Variants in PRKCE observed in about 807,000 individuals in gnomAD.
The protein encoded by PRKCE is protein kinase C epsilon.
A neutral mutation model predicts 85.4 loss-of-function variants in PRKCE; 16 were observed. The ratio of observed to expected loss-of-function variants is 0.19; its 90% confidence interval spans 0.13 to 0.28. The LOEUF is 0.28. Ranked by LOEUF, PRKCE falls within the 10% of genes least tolerant of loss-of-function variation. The pLI is 1.00. For synonymous variants in PRKCE, 388 were observed against 371.5 expected (o/e 1.04, Z -0.51); for missense variants, 573 against 975.2 (o/e 0.59, Z 5.49).
In PRKCE at chr2:46,108,075, G is replaced by A. The variant is rs1671901546; in HGVS notation, c.1592+21713G>A. On this transcript the variant is annotated intron_variant, in intron 11 of 14. Coordinates refer to ENST00000306156, the MANE Select transcript of PRKCE (RefSeq NM_005400.3). ...CCCAAGTAGCTGGGGCTACATGTGT[G>A]TGCCATTGCGCCTGGCTAATTTTTT... Among the ~76,000 whole-genome samples, 3 of 152,172 alleles carry A rather than the reference G, an allele frequency of 2.0e-5. No individual in the cohort carries two copies. The South Asian group carries it at 6.2e-4, about 31-fold the overall frequency.
At chr2:45,783,123 A>C (rs1046052529) in intron 1 of PRKCE, among the ~76,000 whole-genome samples, 1 of 152,204 alleles carries the variant, frequency 6.6e-6, no homozygotes, top group African/African-American at 2.4e-5. Context: ...GGTGCTTGGC[A>C]GACTGGGTCC....
intron 11 of PRKCE, among the ~76,000 whole-genome samples, chr2:46,097,990 C>G (rs1670870205): frequency 6.6e-6 from 1 of 152,180 alleles, no homozygotes; most frequent in Admixed American, 6.5e-5. Flanking sequence ...TGCTGACCAG[C>G]TTAGAAGTAG....
intron 1 of PRKCE, among the ~76,000 whole-genome samples, chr2:45,706,692 GC>G (rs1189602520): frequency 2.0e-5 from 3 of 152,122 alleles, no homozygotes; most frequent in Non-Finnish European, 4.4e-5. Context: ...TGATAGTTTG[GC>G]CCCCCACAAT....
intron 2 of PRKCE, among the ~76,000 whole-genome samples, chr2:45,886,145 CT>C (rs1214509108): frequency 6.6e-6 from 1 of 152,222 alleles, no homozygotes; most frequent in African/African-American, 2.4e-5. Context: ...TCTGGGCTTG[CT>C]TCACATGCTG....
At chr2:45,912,684 C>G (rs1342690526) in intron 2 of PRKCE, among the ~76,000 whole-genome samples, 1 of 152,102 alleles carries the variant, frequency 6.6e-6, no homozygotes, top group East Asian at 1.9e-4. Context: ...AGAAGCGCAT[C>G]TCACCGAAAA....
rs539992798 is a variant in PRKCE at position 46,185,719 on chromosome 2, T to A, written c.*838T>A. 1 of 152,344 alleles carries A rather than the reference T, an allele frequency of 6.6e-6. No individual in the cohort carries two copies. Among genetic ancestry groups the A allele is most frequent in the East Asian group, 1.9e-4 (1 of 5,188 alleles). The allele number at this position is 152,344 out of a possible 1,614,324, so 9.4% of individuals were successfully genotyped here. ...ATGCTGTCAATGCCCGAGTGACACA[T>A]GAGAGCTGTATGAATTGAGAGAAAA... On this transcript the variant is annotated 3_prime_UTR_variant, in exon 15 of 15. Transcript: ENST00000306156. This position sits in a 1 kb window ranked among gnomAD's most constrained non-coding sequence, Gnocchi z 4.7.
intron 1 of PRKCE, among the ~76,000 whole-genome samples, chr2:45,700,173 C>CCTGCG (rs1558570495): frequency 6.8e-6 from 1 of 147,910 alleles, no homozygotes; most frequent in Non-Finnish European, 1.5e-5. Context: ...GAGGCCCTGC[C>CCTGCG]GGGAGCCAGG....
At chr2:46,143,557 A>C (rs754129405) in intron 11 of PRKCE, among the ~76,000 whole-genome samples, 2 of 152,142 alleles carry the variant, frequency 1.3e-5, no homozygotes, top group Non-Finnish European at 2.9e-5. Context: ...TCACCAGATA[A>C]GGTCACAGAC....
At position 46,139,970 on chromosome 2, in the gene PRKCE, C is replaced by A. The variant is rs1675352083; in HGVS notation, c.1593-5123C>A. On this transcript the variant is annotated intron_variant, in intron 11 of 14. Transcript: ENST00000306156. The surrounding 1 kb of genome is among the most constrained non-coding windows in gnomAD (Gnocchi z 5.2). Reference sequence around the variant, plus strand: ...AAAGTGAGAATAGATATTGGGACAACCAGAAATCTGCCATAAAATGTCATA... The same window carrying A: ...AAAGTGAGAATAGATATTGGGACAAACAGAAATCTGCCATAAAATGTCATA... Among the ~76,000 whole-genome samples the A allele has an allele frequency of 6.6e-6, 1 of 151,962 alleles. No homozygotes were observed. The highest frequency in any genetic ancestry group is 1.5e-5 in the Non-Finnish European group (1 of 67,994).
chr2:45,797,940 G>T (rs761990053), intron 1 of PRKCE, among the ~76,000 whole-genome samples: 1 of 152,196 alleles, frequency 6.6e-6, no homozygotes, highest in African/African-American at 2.4e-5. Context: ...CAAAACAGGC[G>T]CTGGGCTTAC....
intron 1 of PRKCE, among the ~76,000 whole-genome samples, chr2:45,762,511 C>T (rs1684588893): frequency 6.6e-6 from 1 of 152,152 alleles, no homozygotes; most frequent in Non-Finnish European, 1.5e-5. Context: ...TCTTTTTCAT[C>T]CTTTGAAGCT....
At chr2:46,054,550 C>G (rs111537599) in intron 10 of PRKCE, among the ~76,000 whole-genome samples, 22 of 152,300 alleles carry the variant, frequency 1.4e-4, no homozygotes, top group African/African-American at 5.3e-4. Context: ...CTTAGGACAA[C>G]TCATGTCCAA....
chr2:45,669,963 A>G (rs961070705), intron 1 of PRKCE, among the ~76,000 whole-genome samples: 1 of 152,214 alleles, frequency 6.6e-6, no homozygotes, highest in African/African-American at 2.4e-5. Flanking sequence ...GTGAGCTGAG[A>G]TTGCACCACT....
chr2:45,853,877 C>T (rs1432361572), intron 2 of PRKCE, among the ~76,000 whole-genome samples: 3 of 152,144 alleles, frequency 2.0e-5, no homozygotes, highest in Non-Finnish European at 4.4e-5. Context: ...CCCGCATGCA[C>T]ACCAAGTCCT....
intron 11 of PRKCE, among the ~76,000 whole-genome samples, chr2:46,101,859 C>CAA (rs56811595): frequency 4.4e-5 from 5 of 114,076 alleles, no homozygotes; most frequent in Non-Finnish European, 5.3e-5. Flanking sequence ...AACTGGCTTT[C>CAA]AAAAAAAAAA....
In PRKCE at chr2:45,921,702, G is replaced by A. The variant is rs1698262239; in HGVS notation, c.413-54727G>A. ...TTCTGATCTACCATGAGTTTTCCAT[G>A]TGCCATTATACAACAAAGGCAAGGG... On this transcript the variant is annotated intron_variant, in intron 2 of 14. Coordinates refer to ENST00000306156, the MANE Select transcript of PRKCE (RefSeq NM_005400.3). Among the ~76,000 whole-genome samples, 4 of 152,130 alleles carry A rather than the reference G, an allele frequency of 2.6e-5. No individual in the cohort carries two copies. In the South Asian group the frequency reaches 8.3e-4, roughly 32 times the overall value.
At chr2:45,937,388 C>A (rs1016726638) in intron 2 of PRKCE, among the ~76,000 whole-genome samples, 9 of 152,116 alleles carry the variant, frequency 5.9e-5, no homozygotes, top group African/African-American at 2.2e-4. Context: ...CCTGGTAGGC[C>A]CCACATTTTT....
chr2:45,931,905 C>T (rs1699075200), intron 2 of PRKCE, among the ~76,000 whole-genome samples: 1 of 152,138 alleles, frequency 6.6e-6, no homozygotes, highest in South Asian at 2.1e-4. Flanking sequence ...CAGGGTCTTA[C>T]CATGAGACTG....
intron 10 of PRKCE, among the ~76,000 whole-genome samples, chr2:46,016,136 T>A (rs1159770258): frequency 1.3e-5 from 2 of 152,150 alleles, no homozygotes. Context: ...AGACCATCTT[T>A]GCTTGATAGT....
Sources: allele counts gnomAD v4.1 joint callset (sites outside exome capture counted in the v4.1 genomes callset), GRCh38; gene constraint gnomAD v4.1.1; non-coding constraint Gnocchi (gnomAD v3.1); transcripts MANE v1.5; gene names NCBI Gene and HGNC (gene_info 2026-07-23, HGNC 2026-07-21).